CSMD1: variants seen among roughly 807,000 people sequenced by gnomAD.
The protein encoded by CSMD1 is CUB and sushi domain-containing protein 1.
A neutral mutation model predicts 417.5 loss-of-function variants in CSMD1; 213 were observed. That is an observed-to-expected ratio of 0.51 (90% CI 0.46 to 0.57). CSMD1 has a LOEUF of 0.57. Ranked by LOEUF, CSMD1 falls within the 20% of genes least tolerant of loss-of-function variation. The pLI, the probability that CSMD1 is intolerant of heterozygous loss-of-function variation, is 0.00. For synonymous variants in CSMD1, 2,862 were observed against 1,736.8 expected (o/e 1.65, Z -16.11); for missense variants, 6,923 against 4,529.7 (o/e 1.53, Z -15.17).
chr8:4,979,302 G>C (rs1405652110), intron 1 of CSMD1, among the ~76,000 whole-genome samples: 1 of 152,096 alleles, frequency 6.6e-6, no homozygotes, highest in African/African-American at 2.4e-5. Flanking sequence ...TTTTACATGT[G>C]TTTCTTCTTG....
intron 2 of CSMD1, among the ~76,000 whole-genome samples, chr8:4,421,831 G>C (rs545172585): frequency 2.6e-5 from 4 of 151,558 alleles, no homozygotes; most frequent in African/African-American, 7.2e-5. Flanking sequence ...GAAAAGTACA[G>C]AAATCAATAA....
chr8:4,986,902 T>G (rs1811207485), intron 1 of CSMD1, among the ~76,000 whole-genome samples: 1 of 152,174 alleles, frequency 6.6e-6, no homozygotes, highest in Non-Finnish European at 1.5e-5. Context: ...TTTGATCACT[T>G]TTATTGAAAG....
At chr8:4,458,848 C>G (rs1216235051) in intron 2 of CSMD1, among the ~76,000 whole-genome samples, 2 of 152,136 alleles carry the variant, frequency 1.3e-5, no homozygotes, top group Non-Finnish European at 2.9e-5. Context: ...AGAACTGAGG[C>G]AAGCGTAGCA....
intron 5 of CSMD1, among the ~76,000 whole-genome samples, chr8:3,865,438 T>C (rs1297895084): frequency 1.3e-5 from 2 of 151,976 alleles, no homozygotes; most frequent in East Asian, 3.9e-4. Flanking sequence ...CTGTGAGGGC[T>C]CAGAGGCAGA....
rs1462627637 is a variant in CSMD1, at chr8:4,296,609, A to G, written c.415+123344T>C. Among the ~76,000 whole-genome samples the G allele has an allele frequency of 1.7e-4, 7 of 41,826 alleles. No individual in the cohort carries two copies. The Admixed American group carries it at 2.6e-3, about 16-fold the overall frequency. The allele number at this position is 41,826 out of a possible 152,430, so 27.4% of individuals were successfully genotyped here. ...GGCAGGTACATTTACTTCATATTTT[A>G]TAATAGTTTGTTATTTAGTTAATAT... On this transcript the variant is annotated intron_variant, in intron 3 of 69. Coordinates refer to ENST00000635120, the MANE Select transcript of CSMD1 (RefSeq NM_033225.6).
intron 1 of CSMD1, among the ~76,000 whole-genome samples, chr8:4,766,099 T>G (rs1290253034): frequency 6.6e-6 from 1 of 152,206 alleles, no homozygotes; most frequent in Non-Finnish European, 1.5e-5. Flanking sequence ...GTTATTACAT[T>G]AATAATATTT....
intron 5 of CSMD1, among the ~76,000 whole-genome samples, chr8:3,879,360 G>T (rs925481234): frequency 6.6e-6 from 1 of 152,062 alleles, no homozygotes; most frequent in African/African-American, 2.4e-5. Context: ...AATCATCTAA[G>T]GAATCTCTAT....
At chr8:4,467,009 C>T (rs1298004672) in intron 2 of CSMD1, among the ~76,000 whole-genome samples, 2 of 150,744 alleles carry the variant, frequency 1.3e-5, no homozygotes, top group Admixed American at 6.6e-5. Flanking sequence ...CAACATAGCT[C>T]AACTGGCCTC....
At position 3,214,492 on chromosome 8, in the gene CSMD1, C is replaced by G; in HGVS notation, c.4867+5G>C. On this transcript the variant is annotated splice_donor_5th_base_variant and intron_variant, in intron 30 of 69. Coordinates refer to ENST00000635120, the MANE Select transcript of CSMD1 (RefSeq NM_033225.6). ...TTTCTAGAAAATACCCAAGCGTGCA[C>G]TCACCATTGCAGGAGGGCAGCACTT... The G allele has an allele frequency of 1.3e-6, 2 of 1,580,518 alleles. No homozygotes were observed. The highest frequency in any genetic ancestry group is 8.6e-7 in the Non-Finnish European group (1 of 1,164,148).
intron 3 of CSMD1, among the ~76,000 whole-genome samples, chr8:4,301,459 A>G (rs986372337): frequency 3.9e-5 from 6 of 152,224 alleles, no homozygotes; most frequent in Non-Finnish European, 5.9e-5. Flanking sequence ...TTCAGAGACC[A>G]GAGTGGTCCA....
At chr8:4,973,202 G>C (rs1460715190) in intron 1 of CSMD1, among the ~76,000 whole-genome samples, 2 of 151,830 alleles carry the variant, frequency 1.3e-5, no homozygotes, top group Non-Finnish European at 2.9e-5. Flanking sequence ...TGCCTTTTTG[G>C]TTCCTCTCAT....
At chr8:3,896,556 G>C (rs1807380224) in intron 5 of CSMD1, among the ~76,000 whole-genome samples, 1 of 151,898 alleles carries the variant, frequency 6.6e-6, no homozygotes, top group East Asian at 1.9e-4. Context: ...CTGTCACCCA[G>C]GCTGGAGTGC....
intron 5 of CSMD1, among the ~76,000 whole-genome samples, chr8:3,867,422 G>C (rs543050111): frequency 6.6e-6 from 1 of 152,134 alleles, no homozygotes; most frequent in East Asian, 1.9e-4. Context: ...TTACTCAGGA[G>C]TATTTGCCCT....
In CSMD1 at chr8:3,175,507, G is replaced by GCCTGCCTTCCTT. The variant is rs149583717; in HGVS notation, c.5725+5602_5725+5603insAAGGAAGGCAGG. Among the ~76,000 whole-genome samples the GCCTGCCTTCCTT allele has an allele frequency of 1.1e-3, 138 of 125,916 alleles. 1 individual carries two copies. Among genetic ancestry groups the GCCTGCCTTCCTT allele is most frequent in the Non-Finnish European group, 1.3e-3 (80 of 61,296 alleles). The allele number at this position is 125,916 out of a possible 152,430, so 82.6% of individuals were successfully genotyped here. On this transcript the variant is annotated intron_variant, in intron 37 of 69. Coordinates refer to ENST00000635120, the MANE Select transcript of CSMD1 (RefSeq NM_033225.6). ...TTCCTGCCTGCCTGCCTGCCTGCCT[G>GCCTGCCTTCCTT]CCTTTTTTCCTTCCTTCCTTCCTTC...
At chr8:3,664,108 T>C (rs1798558694) in intron 7 of CSMD1, among the ~76,000 whole-genome samples, 1 of 152,204 alleles carries the variant, frequency 6.6e-6, no homozygotes. Context: ...TGTACACATG[T>C]GCCATGTTGG....
At chr8:3,668,875 G>A (rs909599125) in intron 7 of CSMD1, among the ~76,000 whole-genome samples, 8 of 152,170 alleles carry the variant, frequency 5.3e-5, no homozygotes, top group South Asian at 2.1e-4. Flanking sequence ...GTGGCTATCA[G>A]CCTTAATGCG....
intron 3 of CSMD1, among the ~76,000 whole-genome samples, chr8:4,033,608 T>C (rs1797469314): frequency 6.6e-6 from 1 of 152,290 alleles, no homozygotes; most frequent in South Asian, 2.1e-4. Context: ...TGTGGCTCAA[T>C]CCTCTTGGGC....
At chr8:4,433,856 T>A (rs1798005016) in intron 2 of CSMD1, among the ~76,000 whole-genome samples, 1 of 152,218 alleles carries the variant, frequency 6.6e-6, no homozygotes, top group East Asian at 1.9e-4. Context: ...GACTGGAATC[T>A]AAAGCACACA....
In CSMD1 at chr8:3,744,730, T is replaced by A. The variant is rs144651113; in HGVS notation, c.931+9200A>T. Reference sequence around the variant, plus strand: ...TCTGGGCTATGAAATGAAGAGTCAGTGACTTACAGCATTAGGGTAATGTAG... The same window carrying A: ...TCTGGGCTATGAAATGAAGAGTCAGAGACTTACAGCATTAGGGTAATGTAG... On this transcript the variant is annotated intron_variant, in intron 6 of 69. Coordinates refer to ENST00000635120, the MANE Select transcript of CSMD1 (RefSeq NM_033225.6). 9.4e-4 allele frequency among the ~76,000 whole-genome samples: 143 copies of A among 152,338 alleles called. 1 individual carries two copies. Among genetic ancestry groups the A allele is most frequent in the African/African-American group, 3.1e-3 (127 of 41,586 alleles).
Sources: allele counts gnomAD v4.1 joint callset (sites outside exome capture counted in the v4.1 genomes callset), GRCh38; gene constraint gnomAD v4.1.1; transcripts MANE v1.5; gene names NCBI Gene and HGNC (gene_info 2026-07-23, HGNC 2026-07-21).